NQO1: variants seen among roughly 807,000 people sequenced by gnomAD.
NQO1 encodes NAD(P)H dehydrogenase [quinone] 1.
A neutral mutation model predicts 32.1 loss-of-function variants in NQO1; 30 were observed. The ratio of observed to expected loss-of-function variants is 0.94; its 90% CI spans 0.70 to 1.27. The LOEUF (loss-of-function observed/expected upper bound fraction) is 1.27. Ranked by LOEUF, NQO1 falls within the 50% of genes most tolerant of loss-of-function variation. NQO1 has a pLI of 0.00. For synonymous variants in NQO1, 109 were observed against 119.7 expected (o/e 0.91, Z 0.59); for missense variants, 276 against 331.3 (o/e 0.83, Z 1.30).
intron 5 of NQO1, among the ~76,000 whole-genome samples, chr16:69,712,338 A>C (rs918119823): frequency 6.6e-6 from 1 of 151,370 alleles, no homozygotes; most frequent in African/African-American, 2.4e-5. Context: ...TCAGCCTCCC[A>C]GTAAATCATT....
intron 5 of NQO1, among the ~76,000 whole-genome samples, chr16:69,712,691 T>C (rs574838637): frequency 6.6e-6 from 1 of 152,300 alleles, no homozygotes; most frequent in South Asian, 2.1e-4. Flanking sequence ...ATGAATGAAT[T>C]CCCCTGAAGG....
chr16:69,714,614 T>TGAGTGTGATGGCTGAGTGTGGTTG, intron 4 of NQO1, among the ~76,000 whole-genome samples: 1 of 150,962 alleles, frequency 6.6e-6, no homozygotes, highest in East Asian at 2.0e-4. Flanking sequence ...GCACAGTGGC[T>TGAGTGTGATGGCTGAGTGTGGTTG]CACACCGGTA....
rs2038028502 is a variant in NQO1 at position 69,710,853 on chromosome 16, C to T, written c.*123G>A. ...AAAAATGCACGAATACAGTCGATTC[C>T]CTCTCATTTATTCCTTGTGGAAAAA... On this transcript the variant is annotated 3_prime_UTR_variant, in exon 6 of 6. Transcript: ENST00000320623. 1 of 1,035,100 alleles carries T rather than the reference C, an allele frequency of 9.7e-7. No homozygotes were observed. The highest frequency in any genetic ancestry group is 1.6e-5 in the African/African-American group (1 of 62,112). The allele number at this position is 1,035,100 out of a possible 1,614,324, so 64.1% of individuals were successfully genotyped here.
At position 69,710,933 on chromosome 16, in the gene NQO1, C is replaced by T; in HGVS notation, c.*43G>A. On this transcript the variant is annotated 3_prime_UTR_variant, in exon 6 of 6. Coordinates refer to ENST00000320623, the MANE Select transcript of NQO1 (RefSeq NM_000903.3). ...AGTCAGGGAAGCCTGGAAAGATACC[C>T]AGATTTGATAACATGTTAGAAGGAA... 1 of 1,561,742 alleles carries T rather than the reference C, an allele frequency of 6.4e-7. No homozygotes were observed. The highest frequency in any genetic ancestry group is 8.7e-7 in the Non-Finnish European group (1 of 1,153,286).
chr16:69,720,866 C>CT (rs1376807408), intron 1 of NQO1, among the ~76,000 whole-genome samples: 1 of 151,412 alleles, frequency 6.6e-6, no homozygotes, highest in Non-Finnish European at 1.5e-5. Flanking sequence ...GCCCTAAGTG[C>CT]TTTGCATTCC....
chr16:69,716,161 A>G (rs1171053263), intron 3 of NQO1, among the ~76,000 whole-genome samples: 6 of 147,680 alleles, frequency 4.1e-5, no homozygotes, highest in Non-Finnish European at 7.4e-5. Context: ...GCAAGACTCC[A>G]TCTCTAAATA....
chr16:69,715,992 C>A (rs2038107354), intron 3 of NQO1, among the ~76,000 whole-genome samples: 2 of 151,732 alleles, frequency 1.3e-5, no homozygotes, highest in African/African-American at 2.4e-5. Context: ...CAAAGTGAGA[C>A]TTTGTCTCTA....
intron 5 of NQO1, among the ~76,000 whole-genome samples, chr16:69,712,067 T>C (rs2038048743): frequency 6.6e-6 from 1 of 152,190 alleles, no homozygotes; most frequent in African/African-American, 2.4e-5. Context: ...GTTTTATCCA[T>C]GTATAAACTG....
At chr16:69,720,449 A>G (rs997598639) in intron 1 of NQO1, among the ~76,000 whole-genome samples, 33 of 152,232 alleles carry the variant, frequency 2.2e-4, no homozygotes, top group Non-Finnish European at 4.0e-4. Flanking sequence ...AAATACAAAA[A>G]AAAAAGAAAA....
chr16:69,723,678 T>G (rs1252676491), intron 1 of NQO1, among the ~76,000 whole-genome samples: 3 of 151,744 alleles, frequency 2.0e-5, no homozygotes, highest in Non-Finnish European at 4.4e-5. Context: ...GGCAGGTGCC[T>G]GTAATCCCAG....
intron 1 of NQO1, among the ~76,000 whole-genome samples, chr16:69,722,994 C>G (rs973807872): frequency 2.0e-5 from 3 of 152,204 alleles, no homozygotes; most frequent in South Asian, 4.1e-4. Context: ...GTGGCGCGAT[C>G]TCGGCTCACT....
Position 69,713,148 on chromosome 16 carries a change from T to C in NQO1, c.418-19A>G, listed in dbSNP as rs761853642. 6.9e-6 allele frequency: 11 copies of C among 1,587,852 alleles called. No homozygotes were observed. In the Admixed American group the frequency reaches 1.9e-4, roughly 27 times the overall value. The stretch of plus-strand genomic sequence containing the variant: ...TCTTACTCTGCAAAAGAAAAAGCAA[T>C]AACAAACTTCACTTCCCTCCACATC... On this transcript the variant is annotated intron_variant, in intron 4 of 5. Coordinates refer to ENST00000320623, the MANE Select transcript of NQO1 (RefSeq NM_000903.3).
intron 1 of NQO1, among the ~76,000 whole-genome samples, chr16:69,719,062 C>T (rs979241726): frequency 1.2e-4 from 18 of 150,710 alleles, no homozygotes; most frequent in African/African-American, 4.1e-4. Flanking sequence ...CTCTGCGTGA[C>T]CTGTCAGGAA....
At position 69,711,057 on chromosome 16, in the gene NQO1, T is replaced by G; in HGVS notation, c.744A>C (p.Lys248Asn). 6.2e-7 allele frequency: 1 copy of G among 1,614,188 alleles called. No homozygotes were observed. The highest frequency in any genetic ancestry group is 8.5e-7 in the Non-Finnish European group (1 of 1,180,026). The change falls in exon 6 of 6, where the codon AAA becomes AAC. Residue 248 changes from lysine to asparagine, a missense_variant. By Grantham distance (94) the Lys-to-Asn change is moderately conservative (BLOSUM62 0). Transcript: ENST00000320623. ...LMKKEVQDEE[K>N]NKKFGLSVGH... ...CCACAGAAAGGCCAAATTTCTTGTT[T>G]TTCTCCTCATCCTGTACCTCTTTTT... is the stretch of plus-strand genomic sequence containing the variant.
rs370781181 is a variant in NQO1 at position 69,726,523 on chromosome 16, T to C, written c.-84A>G. 5.1e-6 allele frequency: 8 copies of C among 1,571,480 alleles called. No individual in the cohort carries two copies. The highest frequency in any genetic ancestry group is 1.4e-5 in the African/African-American group (1 of 73,578). Reference sequence around the variant, plus strand: ...GGCCGGAACTAGGCTCTCGGTGAGCTGGGCGGCTCCGGCTGCAACCTTGTG... The same window carrying C: ...GGCCGGAACTAGGCTCTCGGTGAGCCGGGCGGCTCCGGCTGCAACCTTGTG... On this transcript the variant is annotated 5_prime_UTR_variant, in exon 1 of 6. Transcript: ENST00000320623.
intron 4 of NQO1, among the ~76,000 whole-genome samples, 186 bp from the exon 5 acceptor site, chr16:69,713,315 T>C (rs554112865): frequency 6.6e-6 from 1 of 152,324 alleles, no homozygotes; most frequent in Admixed American, 6.5e-5. Context: ...CTAGATGGTC[T>C]ACAGACCGGT....
Position 69,726,432 on chromosome 16 carries a change from C to T in NQO1, c.7+1G>A, listed in dbSNP as rs765232264. The T allele has an allele frequency of 1.9e-6, 3 of 1,612,020 alleles. No homozygotes were observed. In the Admixed American group the frequency reaches 5.0e-5, roughly 27 times the overall value. ...AGCACCCCGCCCTTTGCAGCACTCA[C>T]CGACCATGGCTCTGGTGCAGTCCGG... On this transcript the variant is annotated splice_donor_variant, in intron 1 of 5. Coordinates refer to ENST00000320623, the MANE Select transcript of NQO1 (RefSeq NM_000903.3). LOFTEE classifies it high-confidence loss of function.
At chr16:69,721,286 G>A (rs1341274629) in intron 1 of NQO1, among the ~76,000 whole-genome samples, 1 of 152,118 alleles carries the variant, frequency 6.6e-6, no homozygotes, top group African/African-American at 2.4e-5. Flanking sequence ...TAACAGATGG[G>A]GCCTGTGATA....
intron 1 of NQO1, among the ~76,000 whole-genome samples, chr16:69,719,013 T>C (rs2917676): frequency 0.85 from 128,597 of 150,464 alleles, 55,132 homozygotes; most frequent in Admixed American, 0.91. Context: ...CCAGCCTGGG[T>C]GACAATGGGA....
Sources: gnomAD v4.1 joint callset for allele counts (sites outside exome capture counted in the v4.1 genomes callset) on GRCh38, gnomAD v4.1.1 for gene constraint, MANE v1.5 for transcripts, NCBI Gene and HGNC (gene_info 2026-07-23, HGNC 2026-07-21) for gene names.